POU6F2: variants seen among roughly 807,000 people sequenced by gnomAD.
POU6F2 encodes POU class 6 homeobox 2.
A neutral mutation model predicts 71.3 loss-of-function variants in POU6F2; 31 were observed. The observed-to-expected ratio is 0.43, with a 90% confidence interval of 0.33 to 0.59. The LOEUF (loss-of-function observed/expected upper bound fraction) is 0.59. POU6F2 is among the 20% of genes least tolerant of loss of function. POU6F2 has a pLI of 0.04. For synonymous variants in POU6F2, 347 were observed against 355.7 expected, an observed-to-expected ratio of 0.98 and a Z score of 0.27; for missense variants, 783 against 856.8, an observed-to-expected ratio of 0.91 and a Z score of 1.07.
chr7:39,295,756 G>A (rs1489747192), intron 4 of POU6F2, among the ~76,000 whole-genome samples: 2 of 152,226 alleles, frequency 1.3e-5, no homozygotes, highest in East Asian at 3.8e-4. Context: ...ATAGACAATT[G>A]TCTAAAATTC....
chr7:39,447,211 A>G (rs1387084342), intron 7 of POU6F2, among the ~76,000 whole-genome samples: 1 of 152,154 alleles, frequency 6.6e-6, no homozygotes, highest in African/African-American at 2.4e-5. Context: ...AAACCAGAAA[A>G]ATATTTGAAA....
intron 4 of POU6F2, among the ~76,000 whole-genome samples, chr7:39,309,043 A>G (rs1026490227): frequency 1.3e-5 from 2 of 152,230 alleles, no homozygotes; most frequent in African/African-American, 4.8e-5. Flanking sequence ...GCAAGCGGCC[A>G]TTCAAAGTCT....
At chr7:39,289,954 G>A (rs1784720332) in intron 4 of POU6F2, among the ~76,000 whole-genome samples, 2 of 152,036 alleles carry the variant, frequency 1.3e-5, no homozygotes, top group South Asian at 4.1e-4. Context: ...TTGGGCCTCA[G>A]TTCTCACCAC....
intron 7 of POU6F2, among the ~76,000 whole-genome samples, chr7:39,441,817 G>A (rs964477687): frequency 2.0e-5 from 3 of 152,104 alleles, no homozygotes; most frequent in African/African-American, 7.2e-5. Flanking sequence ...AGTTAAAGCT[G>A]GAGTGTACAC....
At chr7:39,059,854 G>T (rs1790617277) in intron 1 of POU6F2, among the ~76,000 whole-genome samples, 1 of 152,202 alleles carries the variant, frequency 6.6e-6, no homozygotes, top group Non-Finnish European at 1.5e-5. Context: ...TCATAGGAAA[G>T]AATGAAGTAT....
intron 1 of POU6F2, among the ~76,000 whole-genome samples, chr7:39,029,096 A>G (rs897365758): frequency 1.3e-5 from 2 of 152,166 alleles, no homozygotes; most frequent in African/African-American, 4.8e-5. Context: ...TGCTGGGATT[A>G]TAGGTATGAG....
chr7:39,456,967 G>T (rs1788820911), intron 8 of POU6F2, among the ~76,000 whole-genome samples: 1 of 152,180 alleles, frequency 6.6e-6, no homozygotes, highest in Non-Finnish European at 1.5e-5. Context: ...CCATCCCTCT[G>T]AGCTTTAAAG....
At chr7:39,373,696 C>T (rs1786657256) in intron 5 of POU6F2, 1 of 340,828 alleles carries the variant, frequency 2.9e-6, no homozygotes, top group Non-Finnish European at 5.8e-6. Flanking sequence ...GATTTACATT[C>T]ATTGATTTTC....
At chr7:39,281,167 T>C (rs965045073) in intron 4 of POU6F2, among the ~76,000 whole-genome samples, 6 of 152,208 alleles carry the variant, frequency 3.9e-5, no homozygotes, top group Non-Finnish European at 4.4e-5. Context: ...ATTTTGTTTT[T>C]GATTGATATA....
chr7:39,116,800 GA>G (rs1027863933), intron 2 of POU6F2, among the ~76,000 whole-genome samples: 45 of 151,772 alleles, frequency 3.0e-4, no homozygotes, highest in African/African-American at 1.0e-3. Flanking sequence ...AAAATCTTCA[GA>G]TTTTTTTTTA....
At chr7:39,006,772 G>A (rs1205322573) in intron 1 of POU6F2, 2 of 1,400,178 alleles carry the variant, frequency 1.4e-6, no homozygotes, top group African/African-American at 2.8e-5. Flanking sequence ...AACTCTCTTG[G>A]GTTGTGTTAC....
chr7:39,173,689 C>T (rs1265537704), intron 2 of POU6F2, among the ~76,000 whole-genome samples: 2 of 152,214 alleles, frequency 1.3e-5, no homozygotes, highest in Non-Finnish European at 2.9e-5. Context: ...TGTGGAATCA[C>T]GTACCTCTTT....
intron 2 of POU6F2, among the ~76,000 whole-genome samples, chr7:39,156,160 A>G (rs1792865815): frequency 6.6e-6 from 1 of 152,224 alleles, no homozygotes; most frequent in South Asian, 2.1e-4. Context: ...CTAACACAGG[A>G]ATGTAGCACC....
intron 4 of POU6F2, among the ~76,000 whole-genome samples, chr7:39,250,009 G>C (rs1016408335): frequency 6.6e-6 from 1 of 152,162 alleles, no homozygotes; most frequent in South Asian, 2.1e-4. Context: ...GCATTAAAGC[G>C]TGGGCTCTCG....
chr7:39,012,890 C>A (rs1388856507), intron 1 of POU6F2, among the ~76,000 whole-genome samples: 1 of 152,316 alleles, frequency 6.6e-6, no homozygotes, highest in African/African-American at 2.4e-5. Context: ...GTTCTCAGAT[C>A]TCCAGCTGCG....
intron 1 of POU6F2, among the ~76,000 whole-genome samples, chr7:39,076,912 T>C (rs2128719245): frequency 6.6e-6 from 1 of 152,242 alleles, no homozygotes; most frequent in South Asian, 2.1e-4. Flanking sequence ...TAACAGTCTC[T>C]GCTAGAGTTT....
intron 2 of POU6F2, among the ~76,000 whole-genome samples, chr7:39,165,140 C>T (rs1244011823): frequency 6.6e-6 from 1 of 152,198 alleles, no homozygotes; most frequent in East Asian, 1.9e-4. Context: ...TTTCATAGGA[C>T]TTTTCCATCC....
intron 5 of POU6F2, among the ~76,000 whole-genome samples, chr7:39,351,058 C>T (rs1224411859): frequency 1.3e-5 from 2 of 152,190 alleles, no homozygotes; most frequent in Admixed American, 6.5e-5. Context: ...CTAATGGAAC[C>T]GCGGTGGGCA....
At chr7:39,340,308 C>T (rs1404327564) in intron 5 of POU6F2, among the ~76,000 whole-genome samples, 1 of 152,164 alleles carries the variant, frequency 6.6e-6, no homozygotes, top group Non-Finnish European at 1.5e-5. Context: ...TGTAATAATT[C>T]CATTTTATGA....
Sources: allele counts gnomAD v4.1 joint callset (sites outside exome capture counted in the v4.1 genomes callset), GRCh38; gene constraint gnomAD v4.1.1; transcripts MANE v1.5; gene names NCBI Gene and HGNC (gene_info 2026-07-23, HGNC 2026-07-21).